N4BP2L1: variants seen among roughly 807,000 people sequenced by gnomAD.
N4BP2L1 encodes NEDD4 binding protein 2 like 1, also known as NEDD4-binding protein 2-like 1.
In N4BP2L1, 12 loss-of-function variants were observed where a neutral mutation model predicts 21.2. The observed-to-expected ratio is 0.57, with a 90% CI of 0.36 to 0.92. N4BP2L1 has a LOEUF of 0.92. Among genes scored for constraint, N4BP2L1 ranks in the 40% least tolerant of loss-of-function variants. N4BP2L1 has a pLI of 0.01. For missense variants in N4BP2L1, 259 were observed against 310.6 expected (o/e 0.83, Z 1.25); for synonymous variants, 104 against 112.8 (o/e 0.92, Z 0.49).
rs760439916 is a variant in N4BP2L1, at chr13:32,402,963, G to A, written c.711C>T (p.Gly237=). ...FTNESSYHRR[G]GCHHGY is the part of the protein sequence containing the mutation. The stretch of plus-strand genomic sequence containing the variant: ...GCCTCTAATATCCATGGTGACAACC[G>A]CCCCTTCTGTGATAGGAGCTCTCAT... Residue 237 remains glycine (G), a synonymous_variant, in exon 5 of 5, where the codon GGC becomes GGT. Coordinates refer to ENST00000380130, the MANE Select transcript of N4BP2L1 (RefSeq NM_052818.3). 27 of 1,608,554 alleles carry A rather than the reference G, an allele frequency of 1.7e-5. No individual in the cohort carries two copies. Among genetic ancestry groups the A allele is most frequent in the South Asian group, 3.3e-5 (3 of 90,528 alleles).
At chr13:32,411,694 C>A in intron 1 of N4BP2L1, 16 of 984,978 alleles carry the variant, frequency 1.6e-5, no homozygotes, top group Non-Finnish European at 1.9e-5. Flanking sequence ...CGCTCAAATT[C>A]ATTTAAAATC....
At chr13:32,428,169 G>A (rs2074910183), upstream of N4BP2L1, 9 of 1,304,374 alleles carry the variant, frequency 6.9e-6, no homozygotes, top group Non-Finnish European at 9.0e-6. Flanking sequence ...TGACTCTCCG[G>A]CCATGTGATG....
rs1162859201 is a variant in N4BP2L1, at chr13:32,401,814, TAGAA to T, written c.*1124_*1127del. ...CTTAAAATAATTTTTCACAGAACAT[TAGAA>T]AGAAGCTGTTGGCCAACAAGAAATA... is the stretch of plus-strand genomic sequence containing the variant. On this transcript the variant is annotated 3_prime_UTR_variant, in exon 5 of 5. Transcript: ENST00000380130. 2 of 507,266 alleles carry T rather than the reference TAGAA, an allele frequency of 3.9e-6. No homozygotes were observed. Among genetic ancestry groups the T allele is most frequent in the South Asian group, 8.5e-5 (1 of 11,796 alleles). The allele number at this position is 507,266 out of a possible 1,614,324, so 31.4% of individuals were successfully genotyped here.
upstream of N4BP2L1, among the ~76,000 whole-genome samples, chr13:32,428,615 C>CTTG (rs1384672040): frequency 1.3e-5 from 2 of 152,236 alleles, no homozygotes; most frequent in Non-Finnish European, 2.9e-5. Flanking sequence ...TCTCCCAGGG[C>CTTG]TTGTATCTTT....
intron 1 of N4BP2L1, among the ~76,000 whole-genome samples, chr13:32,408,059 A>G (rs1290951196): frequency 1.3e-5 from 2 of 152,216 alleles, no homozygotes; most frequent in Non-Finnish European, 2.9e-5. Flanking sequence ...GAACTGACTC[A>G]AGAAGAAACT....
chr13:32,414,283 C>T (rs1344624178), intron 1 of N4BP2L1, among the ~76,000 whole-genome samples: 1 of 152,100 alleles, frequency 6.6e-6, no homozygotes, highest in Non-Finnish European at 1.5e-5. Context: ...ATGGATGTGC[C>T]ATAACATAAT....
At chr13:32,419,645 CAT>C (rs1424691026) in intron 1 of N4BP2L1, among the ~76,000 whole-genome samples, 1 of 152,040 alleles carries the variant, frequency 6.6e-6, no homozygotes, top group African/African-American at 2.4e-5. Context: ...TGAAGAAGGA[CAT>C]GTTTGCTTCC....
At chr13:32,410,166 C>A (rs1375661884) in intron 1 of N4BP2L1, among the ~76,000 whole-genome samples, 1 of 152,230 alleles carries the variant, frequency 6.6e-6, no homozygotes, top group South Asian at 2.1e-4. Flanking sequence ...GCGGGCCTTG[C>A]CCGGGGTCCC....
At chr13:32,403,601 T>G in intron 4 of N4BP2L1, 1 of 473,756 alleles carries the variant, frequency 2.1e-6, no homozygotes, top group Non-Finnish European at 4.3e-6. Flanking sequence ...TAAAACAATC[T>G]TAAATTCTAG....
At position 32,402,501 on chromosome 13, in the gene N4BP2L1, A is replaced by G. The variant is rs2073193203; in HGVS notation, c.*441T>C. 3.2e-6 allele frequency: 2 copies of G among 634,428 alleles called. No individual in the cohort carries two copies. Among genetic ancestry groups the G allele is most frequent in the Non-Finnish European group, 3.7e-6 (2 of 547,100 alleles). 39.3% of individuals were successfully genotyped at this position (634,428 alleles called of 1,614,324 possible). ...CATAGATTATCAAAGTAGCAATGGC[A>G]CTTTGATAAGTAGCAATGCCCCCCC... On this transcript the variant is annotated 3_prime_UTR_variant, in exon 5 of 5. Coordinates refer to ENST00000380130, the MANE Select transcript of N4BP2L1 (RefSeq NM_052818.3).
At chr13:32,414,689 A>G (rs762763561) in intron 1 of N4BP2L1, among the ~76,000 whole-genome samples, 2 of 152,172 alleles carry the variant, frequency 1.3e-5, no homozygotes, top group Non-Finnish European at 2.9e-5. Context: ...CTTGGCATAT[A>G]TTCTGTCCCT....
At chr13:32,407,987 G>A (rs529572292) in intron 1 of N4BP2L1, among the ~76,000 whole-genome samples, 1 of 152,228 alleles carries the variant, frequency 6.6e-6, no homozygotes, top group Non-Finnish European at 1.5e-5. Flanking sequence ...AGGCAGCAGT[G>A]TGTGTTGCCA....
intron 1 of N4BP2L1, among the ~76,000 whole-genome samples, chr13:32,412,275 GTTCACATT>G (rs1168014390): frequency 2.0e-5 from 3 of 152,110 alleles, no homozygotes; most frequent in African/African-American, 7.2e-5. Context: ...GTCACCAGAT[GTTCACATT>G]TTGCCTTAGT....
At chr13:32,427,057 G>A (rs947757343) in intron 1 of N4BP2L1, among the ~76,000 whole-genome samples, 2 of 152,198 alleles carry the variant, frequency 1.3e-5, no homozygotes, top group Non-Finnish European at 2.9e-5. Context: ...GGCAGGGAGC[G>A]GTGGGAGTTC....
chr13:32,404,435 G>A (rs762233369), intron 3 of N4BP2L1, 38 bp from the exon 4 acceptor site: 3 of 1,425,444 alleles, frequency 2.1e-6, no homozygotes, highest in Non-Finnish European at 2.0e-6. Context: ...TGAAGACATA[G>A]TATGTATGTT....
At position 32,401,941 on chromosome 13, in the gene N4BP2L1, T is replaced by C. The variant is rs1566269505; in HGVS notation, c.*1001A>G. ...TTTGGATTCATAAATTCAGCATCAG[T>C]ATAAGAAGACATTCCAGAGTTGTGA... On this transcript the variant is annotated 3_prime_UTR_variant, in exon 5 of 5. Coordinates refer to ENST00000380130, the MANE Select transcript of N4BP2L1 (RefSeq NM_052818.3). 4 of 985,374 alleles carry C rather than the reference T, an allele frequency of 4.1e-6. No homozygotes were observed. The highest frequency in any genetic ancestry group is 4.8e-6 in the Non-Finnish European group (4 of 829,792). The allele number at this position is 985,374 out of a possible 1,614,324, so 61.0% of individuals were successfully genotyped here. A position where few individuals can be genotyped will look rare whatever the true frequency, so the allele number is the denominator to read the frequency against.
At chr13:32,424,754 G>T (rs497255) in intron 1 of N4BP2L1, among the ~76,000 whole-genome samples, 107,357 of 152,076 alleles carry the variant, frequency 0.71, 38,515 homozygotes, top group East Asian at 0.88. Flanking sequence ...ATGCTAATTT[G>T]TCAGTACTTT....
At chr13:32,414,545 A>G (rs2074026798) in intron 1 of N4BP2L1, among the ~76,000 whole-genome samples, 1 of 152,106 alleles carries the variant, frequency 6.6e-6, no homozygotes, top group South Asian at 2.1e-4. Context: ...ATAATCTCTA[A>G]AAGTCTAAAT....
chr13:32,413,531 T>G (rs976349459), intron 1 of N4BP2L1, among the ~76,000 whole-genome samples: 4 of 152,218 alleles, frequency 2.6e-5, no homozygotes, highest in African/African-American at 9.6e-5. Context: ...AATTCAATGC[T>G]AAGTTCGATC....
Sources: allele counts gnomAD v4.1 joint callset (sites outside exome capture counted in the v4.1 genomes callset), GRCh38; gene constraint gnomAD v4.1.1; transcripts MANE v1.5; gene names NCBI Gene and HGNC (gene_info 2026-07-23, HGNC 2026-07-21).